The following ADARB2 variants were observed in gnomAD, a reference collection of about 807,000 sequenced individuals.
ADARB2 encodes the protein inactive double-stranded RNA-specific editase B2.
In ADARB2, 25 loss-of-function variants were observed where a neutral mutation model predicts 62.2. That is an observed-to-expected ratio of 0.40 (90% CI 0.29 to 0.56). The LOEUF is 0.56. Among genes scored for constraint, ADARB2 ranks in the 20% least tolerant of loss-of-function variants. The pLI is 0.43. For missense variants in ADARB2, 1,071 were observed against 1,077.4 expected, an observed-to-expected ratio of 0.99 and a Z score of 0.08; for synonymous variants, 572 against 500.8, an observed-to-expected ratio of 1.14 and a Z score of -1.90.
intron 1 of ADARB2, among the ~76,000 whole-genome samples, chr10:1,427,345 T>A (rs1832900943): frequency 6.6e-6 from 1 of 152,220 alleles, no homozygotes; most frequent in African/African-American, 2.4e-5. Context: ...AGGACTTATG[T>A]CTAAAAAAAT....
At chr10:1,451,737 A>T (rs1231034602) in intron 1 of ADARB2, among the ~76,000 whole-genome samples, 1 of 152,024 alleles carries the variant, frequency 6.6e-6, no homozygotes, top group African/African-American at 2.4e-5. Flanking sequence ...TATGAGGAGG[A>T]AGTATACCCG....
chr10:1,184,032 G>A (rs1297395844), intron 9 of ADARB2, among the ~76,000 whole-genome samples: 2 of 152,220 alleles, frequency 1.3e-5, no homozygotes, highest in African/African-American at 2.4e-5. Flanking sequence ...GGGAGACCCC[G>A]GCAGTGCCCT....
chr10:1,598,583 GGAGTCCT>G (rs1470051768), intron 1 of ADARB2, among the ~76,000 whole-genome samples: 10 of 152,178 alleles, frequency 6.6e-5, no homozygotes, highest in African/African-American at 2.2e-4. Flanking sequence ...CCCATTGCTT[GGAGTCCT>G]GATGCTGAGC....
chr10:1,516,309 C>T (rs1588284516), intron 1 of ADARB2, among the ~76,000 whole-genome samples: 1 of 152,216 alleles, frequency 6.6e-6, no homozygotes, highest in South Asian at 2.1e-4. Context: ...CAGGTGAGCT[C>T]TGACAGGTGT....
chr10:1,684,479 C>T (rs577196680), intron 1 of ADARB2, among the ~76,000 whole-genome samples: 1 of 152,164 alleles, frequency 6.6e-6, no homozygotes, highest in Admixed American at 6.5e-5. Context: ...AATAATAGTC[C>T]CTGGAACTTT....
chr10:1,233,488 C>A (rs1461777392), intron 6 of ADARB2, among the ~76,000 whole-genome samples: 1 of 152,212 alleles, frequency 6.6e-6, no homozygotes, highest in East Asian at 1.9e-4. Flanking sequence ...AGGCCTCAGA[C>A]TACTCTTCTG....
chr10:1,654,194 T>C (rs1017276290), intron 1 of ADARB2, among the ~76,000 whole-genome samples: 1 of 152,208 alleles, frequency 6.6e-6, no homozygotes, highest in Non-Finnish European at 1.5e-5. Flanking sequence ...TACCAATACC[T>C]GAATCAGTCA....
intron 1 of ADARB2, among the ~76,000 whole-genome samples, chr10:1,627,868 G>A (rs1033194866): frequency 6.6e-6 from 1 of 152,190 alleles, no homozygotes; most frequent in Non-Finnish European, 1.5e-5. Context: ...TGTCCTCAAG[G>A]TGCCAGCACT....
intron 4 of ADARB2, among the ~76,000 whole-genome samples, chr10:1,266,511 T>TGGGGGGGGGGGGGGGGGGG (rs782182369): frequency 9.3e-5 from 12 of 128,522 alleles, no homozygotes; most frequent in African/African-American, 2.2e-4. Flanking sequence ...TGGTGGGGGG[T>TGGGGGGGGGGGGGGGGGGG]GGGGGGGGGG....
intron 6 of ADARB2, among the ~76,000 whole-genome samples, chr10:1,221,030 C>A (rs1000489566): frequency 2.0e-5 from 3 of 152,188 alleles, no homozygotes; most frequent in Non-Finnish European, 4.4e-5. Flanking sequence ...GCTTGAATGT[C>A]GGTGATCCTG....
intron 3 of ADARB2, among the ~76,000 whole-genome samples, chr10:1,300,853 C>G (rs1275842923): frequency 6.6e-6 from 1 of 152,198 alleles, no homozygotes. Flanking sequence ...GATGTGGTCA[C>G]TATGCCAAAA....
chr10:1,590,228 G>C (rs1466069135), intron 1 of ADARB2, among the ~76,000 whole-genome samples: 1 of 152,182 alleles, frequency 6.6e-6, no homozygotes, highest in Non-Finnish European at 1.5e-5. Context: ...TTCACATTTT[G>C]GTTGTGGCAC....
At chr10:1,283,527 G>A (rs992005314) in intron 3 of ADARB2, among the ~76,000 whole-genome samples, 4 of 152,244 alleles carry the variant, frequency 2.6e-5, no homozygotes, top group African/African-American at 9.6e-5. Context: ...TATGGCACAT[G>A]CCCTCCATGT....
chr10:1,678,483 C>T (rs1468222720), intron 1 of ADARB2, among the ~76,000 whole-genome samples: 2 of 152,140 alleles, frequency 1.3e-5, no homozygotes, highest in Non-Finnish European at 2.9e-5. Flanking sequence ...AACTTTGGGG[C>T]ATGCAGGGGG....
At chr10:1,276,388 A>C (rs1395593018) in intron 3 of ADARB2, among the ~76,000 whole-genome samples, 2 of 152,044 alleles carry the variant, frequency 1.3e-5, no homozygotes, top group African/African-American at 4.8e-5. Context: ...GTTTGAGTTC[A>C]TTGTAGATTC....
At chr10:1,631,366 A>G (rs1271722131) in intron 1 of ADARB2, among the ~76,000 whole-genome samples, 1 of 151,912 alleles carries the variant, frequency 6.6e-6, no homozygotes, top group Non-Finnish European at 1.5e-5. Flanking sequence ...GGACCTGACA[A>G]AGGCTGCCTC....
chr10:1,684,070 T>C (rs1834572580), intron 1 of ADARB2, among the ~76,000 whole-genome samples: 2 of 152,206 alleles, frequency 1.3e-5, no homozygotes, highest in African/African-American at 4.8e-5. Flanking sequence ...GTGAAGTGCG[T>C]TTCAAAAGCA....
At chr10:1,532,154 C>G (rs1365146840) in intron 1 of ADARB2, among the ~76,000 whole-genome samples, 3 of 152,188 alleles carry the variant, frequency 2.0e-5, no homozygotes, top group African/African-American at 4.8e-5. Flanking sequence ...GCACCATTCC[C>G]TGAAGACAGA....
At chr10:1,249,616 G>GCACA (rs58472524) in intron 4 of ADARB2, among the ~76,000 whole-genome samples, 6,756 of 147,394 alleles carry the variant, frequency 0.046, 270 homozygotes, top group African/African-American at 0.098. Flanking sequence ...GTGATTTTAT[G>GCACA]CACACACACA....
Sources: gnomAD v4.1 joint callset for allele counts (sites outside exome capture counted in the v4.1 genomes callset) on GRCh38, gnomAD v4.1.1 for gene constraint, MANE v1.5 for transcripts, NCBI Gene and HGNC (gene_info 2026-07-23, HGNC 2026-07-21) for gene names.